The following SUMF1 variants were observed in gnomAD, a reference collection of about 807,000 sequenced individuals.
SUMF1 encodes the protein formylglycine-generating enzyme.
A neutral mutation model predicts 47.6 loss-of-function variants in SUMF1; 48 were observed. The observed-to-expected ratio is 1.01, with a 90% CI of 0.80 to 1.28. The LOEUF (loss-of-function observed/expected upper bound fraction) is 1.28, where lower values mean the gene tolerates loss of function less well. SUMF1 is among the 50% of genes most tolerant of loss of function. The pLI is 0.00. For missense variants in SUMF1, 571 were observed against 485.4 expected (o/e 1.18, Z -1.66); for synonymous variants, 230 against 192.1 (o/e 1.20, Z -1.63).
chr3:4,329,436 G>C (rs1283983969), intron 8 of SUMF1, among the ~76,000 whole-genome samples: 1 of 152,230 alleles, frequency 6.6e-6, no homozygotes, highest in African/African-American at 2.4e-5. Flanking sequence ...GTACCCACAG[G>C]CTCAAAACCA....
At chr3:4,216,665 T>A (rs1016017665) in intron 8 of SUMF1, among the ~76,000 whole-genome samples, 2 of 151,656 alleles carry the variant, frequency 1.3e-5, no homozygotes, top group Non-Finnish European at 2.9e-5. Context: ...TCAAACAAAT[T>A]TACAAGAAAA....
chr3:4,391,220 A>C (rs1350230254), intron 7 of SUMF1, among the ~76,000 whole-genome samples: 1 of 151,836 alleles, frequency 6.6e-6, no homozygotes, highest in Non-Finnish European at 1.5e-5. Context: ...TGTCAATATG[A>C]TTTGTCCAGG....
intron 8 of SUMF1, among the ~76,000 whole-genome samples, chr3:4,281,738 T>C (rs1697534279): frequency 6.6e-6 from 1 of 151,932 alleles, no homozygotes; most frequent in Non-Finnish European, 1.5e-5. Flanking sequence ...CATGAAACAA[T>C]TGGAAGAGTT....
intron 8 of SUMF1, among the ~76,000 whole-genome samples, chr3:4,266,531 T>G (rs1451764833): frequency 6.6e-6 from 1 of 152,130 alleles, no homozygotes; most frequent in Non-Finnish European, 1.5e-5. Flanking sequence ...GCTGTTTGTC[T>G]TATTGGTGTA....
At chr3:4,132,010 C>T (rs1693802939) in intron 8 of SUMF1, among the ~76,000 whole-genome samples, 1 of 152,158 alleles carries the variant, frequency 6.6e-6, no homozygotes. Context: ...CAGAGACCAA[C>T]ACTGAGCCCT....
chr3:4,445,800 G>C (rs1702761722), intron 3 of SUMF1, among the ~76,000 whole-genome samples: 1 of 152,142 alleles, frequency 6.6e-6, no homozygotes, highest in Non-Finnish European at 1.5e-5. Flanking sequence ...AAACAAGTGG[G>C]TCATATGAAT....
intron 9 of SUMF1, among the ~76,000 whole-genome samples, chr3:4,037,195 C>A (rs1694816768): frequency 6.6e-6 from 1 of 152,002 alleles, no homozygotes; most frequent in South Asian, 2.1e-4. Flanking sequence ...ATGGATAGAC[C>A]ACATTTATTT....
chr3:4,379,459 G>A (rs922101234), intron 7 of SUMF1, among the ~76,000 whole-genome samples: 1 of 152,222 alleles, frequency 6.6e-6, no homozygotes, highest in Admixed American at 6.5e-5. Context: ...GAAGTCACCA[G>A]GAAGGATCTT....
At chr3:4,430,425 T>C (rs1055903656) in intron 3 of SUMF1, among the ~76,000 whole-genome samples, 2 of 152,166 alleles carry the variant, frequency 1.3e-5, no homozygotes, top group Non-Finnish European at 2.9e-5. Context: ...GACAAGTGAC[T>C]TTCCTCTCTG....
chr3:4,361,964 AC>A lies in SUMF1; in HGVS notation c.*179del. On this transcript the variant is annotated 3_prime_UTR_variant, in exon 9 of 9. Coordinates refer to ENST00000272902, the MANE Select transcript of SUMF1 (RefSeq NM_182760.4). ...CCAAAGATGCACCACACCATAAAGC[AC>A]ATGCACTGACCCAGGTCAGCAATTT... 1 of 622,796 alleles carries A rather than the reference AC, an allele frequency of 1.6e-6. No homozygotes were observed. Among genetic ancestry groups the A allele is most frequent in the Non-Finnish European group, 2.9e-6 (1 of 344,104 alleles). The allele number at this position is 622,796 out of a possible 1,614,324, so 38.6% of individuals were successfully genotyped here.
intron 3 of SUMF1, among the ~76,000 whole-genome samples, chr3:4,439,963 G>A (rs1433510642): frequency 6.6e-6 from 1 of 152,226 alleles, no homozygotes; most frequent in South Asian, 2.1e-4. Flanking sequence ...GCTGGGCATG[G>A]TGGCTCATGC....
intron 8 of SUMF1, among the ~76,000 whole-genome samples, chr3:4,254,276 G>T (rs1339939453): frequency 6.6e-6 from 1 of 151,900 alleles, no homozygotes; most frequent in Non-Finnish European, 1.5e-5. Flanking sequence ...TGACTTTGAC[G>T]AGCTGAGAGA....
At chr3:4,368,129 C>A (rs1339318542) in intron 8 of SUMF1, among the ~76,000 whole-genome samples, 1 of 152,118 alleles carries the variant, frequency 6.6e-6, no homozygotes, top group African/African-American at 2.4e-5. Flanking sequence ...TGAAGTCTAA[C>A]AAATTTACAA....
At chr3:4,317,499 A>G (rs1698712025) in intron 8 of SUMF1, 2 of 343,618 alleles carry the variant, frequency 5.8e-6, no homozygotes, top group Non-Finnish European at 1.1e-5. Context: ...CCTGGGCAAC[A>G]TAGTGAGACC....
chr3:4,041,913 A>T (rs922320893), intron 9 of SUMF1, among the ~76,000 whole-genome samples: 3 of 152,166 alleles, frequency 2.0e-5, no homozygotes, highest in African/African-American at 7.2e-5. Flanking sequence ...CTGTTCTTCC[A>T]GACCACATGA....
intron 8 of SUMF1, among the ~76,000 whole-genome samples, chr3:4,115,976 T>C (rs1693415709): frequency 1.3e-5 from 2 of 152,092 alleles, no homozygotes; most frequent in Admixed American, 1.3e-4. Flanking sequence ...GGCATTTGAT[T>C]GAACACAAAT....
At chr3:4,151,830 T>C (rs1694343322) in intron 8 of SUMF1, among the ~76,000 whole-genome samples, 1 of 151,336 alleles carries the variant, frequency 6.6e-6, no homozygotes, top group Non-Finnish European at 1.5e-5. Flanking sequence ...AAGCTTGATA[T>C]AGAGAAAAGA....
At chr3:4,422,576 T>C (rs1701936269) in intron 3 of SUMF1, among the ~76,000 whole-genome samples, 1 of 152,032 alleles carries the variant, frequency 6.6e-6, no homozygotes, top group Non-Finnish European at 1.5e-5. Flanking sequence ...CTATTATGAA[T>C]AGTACTGCTT....
chr3:4,134,967 G>A (rs1164883389), intron 8 of SUMF1, among the ~76,000 whole-genome samples: 1 of 152,144 alleles, frequency 6.6e-6, no homozygotes, highest in Non-Finnish European at 1.5e-5. Flanking sequence ...CTCTGAAATT[G>A]TGGCAATAAT....
Sources: gnomAD v4.1 joint callset for allele counts (sites outside exome capture counted in the v4.1 genomes callset) on GRCh38, gnomAD v4.1.1 for gene constraint, MANE v1.5 for transcripts, NCBI Gene and HGNC (gene_info 2026-07-23, HGNC 2026-07-21) for gene names.